The following DCDC1 variants were observed in gnomAD, a reference collection of about 807,000 sequenced individuals.
DCDC1 encodes the protein doublecortin domain-containing protein 1.
A neutral mutation model predicts 178.3 loss-of-function variants in DCDC1; 200 were observed. The observed-to-expected ratio is 1.12, with a 90% CI of 1.00 to 1.26. The LOEUF is 1.26. Among genes scored for constraint, DCDC1 ranks in the 50% most tolerant of loss-of-function variants. The pLI is 0.00. For missense variants in DCDC1, 1,983 were observed against 1,749.2 expected (o/e 1.13, Z -2.38); for synonymous variants, 690 against 604.8 (o/e 1.14, Z -2.07).
At chr11:31,289,745 T>C (rs1222967876) in intron 7 of DCDC1, among the ~76,000 whole-genome samples, 2 of 152,002 alleles carry the variant, frequency 1.3e-5, no homozygotes, top group Non-Finnish European at 2.9e-5. Context: ...ATGCATAGTA[T>C]CACATTAAAT....
rs1201008387 is a variant in DCDC1 at position 30,903,474 on chromosome 11, T to A, written c.4510+8A>T. 1 of 1,582,144 alleles carries A rather than the reference T, an allele frequency of 6.3e-7. No homozygotes were observed. Among genetic ancestry groups the A allele is most frequent in the South Asian group, 1.2e-5 (1 of 85,550 alleles). On this transcript the variant is annotated splice_region_variant and intron_variant, in intron 32 of 38. Coordinates refer to ENST00000684477, the MANE Select transcript of DCDC1 (RefSeq NM_001387274.1). ...AGAATCAGCTAAATGCTGTAGATTG[T>A]AGCCAACCTTCCATACTTTCAACAA...
chr11:31,365,710 T>C (rs1380989235), intron 1 of DCDC1, among the ~76,000 whole-genome samples: 1 of 152,180 alleles, frequency 6.6e-6, no homozygotes, highest in Non-Finnish European at 1.5e-5. Context: ...CTTAAACTCC[T>C]GATGTATCTA....
chr11:30,972,535 C>T (rs1336354858), intron 20 of DCDC1, among the ~76,000 whole-genome samples: 1 of 151,958 alleles, frequency 6.6e-6, no homozygotes, highest in Non-Finnish European at 1.5e-5. Context: ...ATAAAACCCA[C>T]TGGTAGAGCA....
chr11:30,969,145 C>T (rs1252297848), intron 20 of DCDC1, among the ~76,000 whole-genome samples: 1 of 152,102 alleles, frequency 6.6e-6, no homozygotes, highest in African/African-American at 2.4e-5. Flanking sequence ...TCTAAAGATG[C>T]TCACACCCTA....
At chr11:31,308,169 G>T (rs1301088816) in intron 3 of DCDC1, among the ~76,000 whole-genome samples, 1 of 152,160 alleles carries the variant, frequency 6.6e-6, no homozygotes, top group African/African-American at 2.4e-5. Context: ...ATGGGAATTT[G>T]AACCCAAGCC....
intron 6 of DCDC1, among the ~76,000 whole-genome samples, chr11:31,292,158 A>T (rs989495850): frequency 2.0e-5 from 3 of 152,194 alleles, no homozygotes; most frequent in African/African-American, 7.2e-5. Context: ...AAAAAGAGAA[A>T]AAACATTTTA....
At position 31,321,978 on chromosome 11, in the gene DCDC1, A is replaced by G. The variant is rs191703642; in HGVS notation, c.164+6139T>C. Among the ~76,000 whole-genome samples, 56 of 152,358 alleles carry G rather than the reference A, an allele frequency of 3.7e-4. 2 individuals carry two copies. The highest frequency in any genetic ancestry group is 5.4e-4 in the Non-Finnish European group (37 of 68,026). On this transcript the variant is annotated intron_variant, in intron 3 of 38. Transcript: ENST00000684477. The stretch of plus-strand genomic sequence containing the variant: ...GGCCTCACCAAAACTGTTTAGGATG[A>G]CAAGACACCTAAGAGAAGTTAATTC...
intron 1 of DCDC1, among the ~76,000 whole-genome samples, chr11:31,357,467 C>A (rs1463347802): frequency 2.0e-5 from 3 of 151,986 alleles, no homozygotes; most frequent in South Asian, 4.2e-4. Flanking sequence ...TATGACAAAC[C>A]CACAGCCAAT....
At chr11:30,881,029 C>A (rs1942612917) in intron 37 of DCDC1, 129 bp downstream of exon 37, 1 of 1,045,436 alleles carries the variant, frequency 9.6e-7, no homozygotes, top group Non-Finnish European at 1.3e-6. Flanking sequence ...ACTTCCATAA[C>A]ATGGAGTAGA....
Position 31,088,465 on chromosome 11 carries a change from T to C in DCDC1, c.2237+2928A>G, listed in dbSNP as rs186979460. Among the ~76,000 whole-genome samples, 38 of 152,270 alleles carry C rather than the reference T, an allele frequency of 2.5e-4. No individual in the cohort carries two copies. In the East Asian group the frequency reaches 3.5e-3, roughly 14 times the overall value. On this transcript the variant is annotated intron_variant, in intron 17 of 38. Transcript: ENST00000684477. ...TTTTGGCTTGTTAGCTATAACTCTC[T>C]ACTATTTTAATGATTGCTTTGGTGA...
chr11:31,134,370 T>C (rs887534229), intron 10 of DCDC1, among the ~76,000 whole-genome samples: 6 of 152,212 alleles, frequency 3.9e-5, no homozygotes, highest in African/African-American at 9.6e-5. Context: ...TGTCTGAGGA[T>C]ACTAAGGCAG....
At chr11:30,993,382 T>C (rs900917334) in intron 20 of DCDC1, among the ~76,000 whole-genome samples, 3 of 151,934 alleles carry the variant, frequency 2.0e-5, no homozygotes, top group African/African-American at 4.8e-5. Context: ...AGAATAAAGA[T>C]GTAAAATCTG....
intron 9 of DCDC1, among the ~76,000 whole-genome samples, chr11:31,175,846 T>C (rs1288009077): frequency 6.6e-6 from 1 of 152,220 alleles, no homozygotes; most frequent in African/African-American, 2.4e-5. Flanking sequence ...CTACTGAGTC[T>C]ACTCAGAACC....
intron 1 of DCDC1, among the ~76,000 whole-genome samples, chr11:31,365,686 T>C (rs955884204): frequency 6.6e-6 from 1 of 152,178 alleles, no homozygotes; most frequent in Non-Finnish European, 1.5e-5. Context: ...TTTCCTATCA[T>C]CATGACAAAG....
intron 9 of DCDC1, among the ~76,000 whole-genome samples, chr11:31,140,467 C>G (rs904061564): frequency 1.3e-5 from 2 of 152,142 alleles, no homozygotes; most frequent in African/African-American, 4.8e-5. Flanking sequence ...ACAAGCTAAA[C>G]AGGAAGGTTT....
intron 1 of DCDC1, among the ~76,000 whole-genome samples, chr11:31,362,156 A>G (rs1037314592): frequency 1.3e-5 from 2 of 152,192 alleles, no homozygotes; most frequent in East Asian, 1.9e-4. Flanking sequence ...CAAAATTCAC[A>G]GATTTTTAAG....
chr11:31,019,488 G>A (rs1329471398), intron 20 of DCDC1, among the ~76,000 whole-genome samples: 3 of 152,164 alleles, frequency 2.0e-5, no homozygotes, highest in Non-Finnish European at 4.4e-5. Flanking sequence ...ATGTGGGGGT[G>A]GGGTGGGGAG....
At chr11:31,115,981 T>TGGGGGGGGGGGGGGGGGGGGGG (rs548179744) in intron 11 of DCDC1, among the ~76,000 whole-genome samples, 2 of 38,092 alleles carry the variant, frequency 5.3e-5, no homozygotes, top group African/African-American at 1.3e-4. Context: ...GCTGTGGCAG[T>TGGGGGGGGGGGGGGGGGGGGGG]GGGGGGGGGG....
intron 29 of DCDC1, 127 bp downstream of exon 29, chr11:30,908,819 C>A (rs1945252862): frequency 2.8e-6 from 2 of 717,936 alleles, no homozygotes; most frequent in Non-Finnish European, 4.1e-6. Flanking sequence ...TAAGTGATTT[C>A]ACTCAAAAAT....
Sources: gnomAD v4.1 joint callset for allele counts (sites outside exome capture counted in the v4.1 genomes callset) on GRCh38, gnomAD v4.1.1 for gene constraint, MANE v1.5 for transcripts, NCBI Gene and HGNC (gene_info 2026-07-23, HGNC 2026-07-21) for gene names.